Variants in NRP2 observed in about 807,000 individuals in gnomAD.
NRP2 encodes neuropilin-2.
A neutral mutation model predicts 110.4 loss-of-function variants in NRP2; 52 were observed. That is an observed-to-expected ratio of 0.47 (90% CI 0.38 to 0.59). The LOEUF is 0.59. Ranked by LOEUF, NRP2 falls within the 20% of genes least tolerant of loss-of-function variation. The probability of loss-of-function intolerance (pLI) is 0.00; values close to 1 mark genes in which losing one functional copy is unlikely to be tolerated. For synonymous variants in NRP2, 508 were observed against 468.9 expected (o/e 1.08, Z -1.08); for missense variants, 1,049 against 1,203.0 (o/e 0.87, Z 1.89).
Position 205,724,654 on chromosome 2 carries a change from C to CTTTTTT in NRP2, c.820+735_820+740dup, listed in dbSNP as rs35094496. Among the ~76,000 whole-genome samples the CTTTTTT allele has an allele frequency of 3.9e-4, 31 of 80,348 alleles. 2 individuals are homozygous for CTTTTTT. The highest frequency in any genetic ancestry group is 5.4e-4 in the Non-Finnish European group (23 of 42,764). 52.7% of individuals were successfully genotyped at this position (80,348 alleles called of 152,430 possible). A position where few individuals can be genotyped will look rare whatever the true frequency, so the allele number is the denominator to read the frequency against. On this transcript the variant is annotated intron_variant, in intron 5 of 16. Coordinates refer to ENST00000357785, the MANE Select transcript of NRP2 (RefSeq NM_003872.3). ...TTCTACTTAAAAACCCAAACGATAA[C>CTTTTTT]TTTTTTTTTTTTTTTTTTTTTTTTT...
chr2:205,696,881 A>G (rs1411538880), intron 1 of NRP2, among the ~76,000 whole-genome samples: 1 of 152,230 alleles, frequency 6.6e-6, no homozygotes, highest in Non-Finnish European at 1.5e-5. Context: ...TGTATAATGA[A>G]ATAATAAATC....
At chr2:205,791,917 C>A (rs1183586494) in intron 15 of NRP2, among the ~76,000 whole-genome samples, 1 of 152,130 alleles carries the variant, frequency 6.6e-6, no homozygotes. Flanking sequence ...GCATAAGATG[C>A]CATTGAAGGT....
Position 205,682,735 on chromosome 2 carries a change from A to T in NRP2, c.-556A>T, listed in dbSNP as rs1052052955. ...GCCAAGCGGGTGTAGCCGTTGGGGG[A>T]GGCTCCCGCCGGGGGAACCCGGCGA... On this transcript the variant is annotated 5_prime_UTR_variant, in exon 1 of 17. Transcript: ENST00000357785. The surrounding 1 kb of genome is among the most constrained non-coding windows in gnomAD (Gnocchi z 4.3). The T allele has an allele frequency of 6.3e-6, 1 of 157,784 alleles. No individual in the cohort carries two copies. Among genetic ancestry groups the T allele is most frequent in the Non-Finnish European group, 1.4e-5 (1 of 71,492 alleles). 9.8% of individuals were successfully genotyped at this position (157,784 alleles called of 1,614,324 possible).
chr2:205,754,436 A>G (rs1559349861), intron 12 of NRP2, among the ~76,000 whole-genome samples: 1 of 152,166 alleles, frequency 6.6e-6, no homozygotes. Context: ...TCATATTTCA[A>G]GTGTTTATCT....
chr2:205,772,098 C>A (rs2058032077), intron 15 of NRP2, among the ~76,000 whole-genome samples: 1 of 152,174 alleles, frequency 6.6e-6, no homozygotes, highest in Non-Finnish European at 1.5e-5. Flanking sequence ...GCTTCTCTGC[C>A]CTTCTCCACA....
chr2:205,789,662 C>T (rs2058275916), intron 15 of NRP2, among the ~76,000 whole-genome samples: 1 of 152,168 alleles, frequency 6.6e-6, no homozygotes, highest in Non-Finnish European at 1.5e-5. Flanking sequence ...CTCTGCCTCC[C>T]AGAGGCCGGT....
chr2:205,773,193 C>G (rs1434550230), intron 15 of NRP2, among the ~76,000 whole-genome samples: 1 of 152,190 alleles, frequency 6.6e-6, no homozygotes, highest in Non-Finnish European at 1.5e-5. Context: ...GATTCTAAAC[C>G]AGCACACTCC....
At chr2:205,752,529 A>G (rs2057665170) in intron 11 of NRP2, 7 of 389,758 alleles carry the variant, frequency 1.8e-5, no homozygotes, top group South Asian at 1.6e-4. Flanking sequence ...CAATTTTCAC[A>G]TTTGTCTGCT....
At chr2:205,699,151 G>C (rs570425123) in intron 2 of NRP2, among the ~76,000 whole-genome samples, 1 of 152,192 alleles carries the variant, frequency 6.6e-6, no homozygotes, top group Admixed American at 6.5e-5. Flanking sequence ...TTGACTCAAC[G>C]GATGACATAG....
Position 205,749,805 on chromosome 2 carries a change from G to A in NRP2, c.1867G>A (p.Ala623Thr). The change falls in exon 11 of 17, where the codon GCC (alanine) becomes ACC (threonine). Residue 623 changes from alanine to threonine, a missense_variant. By Grantham distance (58) the Ala-to-Thr change is moderately conservative. Transcript: ENST00000357785. Reference sequence around the variant, plus strand: ...CACCCCCTACCCCACCGAAGAGGAGGCCACAGAGTGTGGGGAGAACTGCAG... The same window carrying A: ...CACCCCCTACCCCACCGAAGAGGAGACCACAGAGTGTGGGGAGAACTGCAG... ...TTTPYPTEEEATECGENCSFE... is the reference protein window; with the variant it reads ...TTTPYPTEEETTECGENCSFE... 6.2e-7 allele frequency: 1 copy of A among 1,614,130 alleles called. No homozygotes were observed. Among genetic ancestry groups the A allele is most frequent in the Non-Finnish European group, 8.5e-7 (1 of 1,179,972 alleles).
At chr2:205,758,447 A>C (rs897672801) in intron 12 of NRP2, among the ~76,000 whole-genome samples, 1 of 152,228 alleles carries the variant, frequency 6.6e-6, no homozygotes, top group Non-Finnish European at 1.5e-5. Flanking sequence ...TCACGTGTTC[A>C]CATGACACTT....
At chr2:205,742,337 G>A (rs1272926235) in intron 8 of NRP2, among the ~76,000 whole-genome samples, 1 of 152,234 alleles carries the variant, frequency 6.6e-6, no homozygotes, top group East Asian at 1.9e-4. Context: ...GAACAAAATA[G>A]ATGGGGTCTC....
At chr2:205,755,823 T>C (rs756736453) in intron 12 of NRP2, among the ~76,000 whole-genome samples, 7 of 152,118 alleles carry the variant, frequency 4.6e-5, no homozygotes, top group East Asian at 3.9e-4. Context: ...CCTGATGAGA[T>C]AGGCAAACAG....
chr2:205,748,052 G>A (rs1326910442), intron 10 of NRP2, among the ~76,000 whole-genome samples: 1 of 151,830 alleles, frequency 6.6e-6, no homozygotes, highest in Non-Finnish European at 1.5e-5. Flanking sequence ...AGTACAAACA[G>A]TATAAACACC....
intron 16 of NRP2, among the ~76,000 whole-genome samples, chr2:205,793,100 A>C (rs1479439500): frequency 6.6e-6 from 1 of 152,128 alleles, no homozygotes; most frequent in Non-Finnish European, 1.5e-5. Flanking sequence ...CCCAAACAGC[A>C]CCTTGTTAAC....
At chr2:205,771,370 C>T (rs979570489) in intron 15 of NRP2, among the ~76,000 whole-genome samples, 8 of 152,172 alleles carry the variant, frequency 5.3e-5, no homozygotes, top group African/African-American at 7.2e-5. Flanking sequence ...CAACCTTTTT[C>T]GTTTGTTTAA....
At chr2:205,729,130 A>C (rs1294688833) in intron 7 of NRP2, among the ~76,000 whole-genome samples, 1 of 152,236 alleles carries the variant, frequency 6.6e-6, no homozygotes, top group African/African-American at 2.4e-5. Context: ...TGACTGGTGC[A>C]GCTGGAAACC....
chr2:205,728,148 T>C (rs1331082943), intron 7 of NRP2, 102 bp downstream of exon 7: 3 of 1,366,168 alleles, frequency 2.2e-6, no homozygotes, highest in African/African-American at 2.9e-5. Flanking sequence ...GGGCCTTGTG[T>C]AGTCAGGCTC....
Position 205,740,603 on chromosome 2 carries a change from C to T in NRP2, c.1231C>T (p.Pro411Ser), listed in dbSNP as rs1312092140. Residue 411 changes from proline (P) to serine (S), a missense_variant, in exon 8 of 17, where the codon CCT (proline) becomes TCT (serine). Physicochemically the swap from Pro to Ser is moderately conservative, Grantham distance 74. Transcript: ENST00000357785. ...GCTGACAAGGTTTGTTAGAATCCGC[C>T]CTCAGACCTGGCACTCAGGTATCGC... The part of the protein sequence containing the change: ...PLLTRFVRIR[P>S]QTWHSGIALR... The T allele has an allele frequency of 6.2e-7, 1 of 1,614,222 alleles. No homozygotes were observed. The highest frequency in any genetic ancestry group is 1.1e-5 in the South Asian group (1 of 91,088).
Sources: gnomAD v4.1 joint callset for allele counts (sites outside exome capture counted in the v4.1 genomes callset) on GRCh38, gnomAD v4.1.1 for gene constraint, Gnocchi (gnomAD v3.1) non-coding constraint, MANE v1.5 for transcripts, NCBI Gene and HGNC (gene_info 2026-07-23, HGNC 2026-07-21) for gene names.